The following RIPK1 variants were observed in gnomAD, a reference collection of about 807,000 sequenced individuals.
The protein encoded by RIPK1 is receptor-interacting serine/threonine-protein kinase 1.
In RIPK1, 27 loss-of-function variants were observed where a neutral mutation model predicts 62.4. The observed-to-expected ratio is 0.43, with a 90% CI of 0.32 to 0.60. The LOEUF (loss-of-function observed/expected upper bound fraction) is 0.60. Ranked by LOEUF, RIPK1 falls within the 20% of genes least tolerant of loss-of-function variation. RIPK1 has a pLI of 0.07. For synonymous variants in RIPK1, 287 were observed against 303.2 expected (o/e 0.95, Z 0.55); for missense variants, 735 against 831.0 (o/e 0.88, Z 1.42).
intron 1 of RIPK1, among the ~76,000 whole-genome samples, chr6:3,074,927 G>A (rs1328694642): frequency 3.3e-5 from 5 of 152,166 alleles, no homozygotes; most frequent in Non-Finnish European, 7.4e-5. Flanking sequence ...TGATCCGCCC[G>A]CCTCAGCCTC....
chr6:3,096,794 C>T (rs879917412), intron 7 of RIPK1, among the ~76,000 whole-genome samples: 3 of 151,650 alleles, frequency 2.0e-5, no homozygotes, highest in Admixed American at 1.3e-4. Flanking sequence ...CTCCCGACCT[C>T]GTGATCTGCC....
At chr6:3,109,921 A>T (rs185760466) in intron 9 of RIPK1, among the ~76,000 whole-genome samples, 131 of 152,286 alleles carry the variant, frequency 8.6e-4, no homozygotes, top group African/African-American at 2.9e-3. Flanking sequence ...CACTTAGGAA[A>T]TGTCCTCAAG....
chr6:3,067,687 G>C (rs1758443664), upstream of RIPK1, among the ~76,000 whole-genome samples: 2 of 151,306 alleles, frequency 1.3e-5, no homozygotes, highest in Admixed American at 6.6e-5. Context: ...TGTTGTGAAC[G>C]TGGCTAGTTC....
upstream of RIPK1, among the ~76,000 whole-genome samples, chr6:3,067,662 C>T (rs1758442316): frequency 6.6e-6 from 1 of 151,446 alleles, no homozygotes; most frequent in Non-Finnish European, 1.5e-5. Context: ...ATATTTTCTC[C>T]CAGTCTGTGG....
chr6:3,077,957 G>A (rs17541755), intron 3 of RIPK1, 22 bp downstream of exon 3: 40,932 of 1,611,696 alleles, frequency 0.025, 618 homozygotes, highest in Non-Finnish European at 0.029. Context: ...CCCTCCGCAC[G>A]GGGATCCCCA....
intron 10 of RIPK1, among the ~76,000 whole-genome samples, chr6:3,112,644 T>G (rs1464033241): frequency 6.6e-6 from 1 of 152,144 alleles, no homozygotes; most frequent in Non-Finnish European, 1.5e-5. Flanking sequence ...GATCCTCCTG[T>G]CTCAGCCTCC....
chr6:3,087,237 G>T (rs1361866321), intron 6 of RIPK1, among the ~76,000 whole-genome samples: 1 of 152,050 alleles, frequency 6.6e-6, no homozygotes, highest in African/African-American at 2.4e-5. Flanking sequence ...GTTTTGCTCA[G>T]CTTCTTAAAT....
chr6:3,107,889 C>A (rs1760945567), intron 9 of RIPK1, among the ~76,000 whole-genome samples: 1 of 151,906 alleles, frequency 6.6e-6, no homozygotes, highest in Non-Finnish European at 1.5e-5. Flanking sequence ...GGGAAAGGGG[C>A]GCTTGGATCT....
intron 10 of RIPK1, among the ~76,000 whole-genome samples, chr6:3,112,035 C>T (rs1371917797): frequency 6.6e-6 from 1 of 152,038 alleles, no homozygotes; most frequent in African/African-American, 2.4e-5. Context: ...GGTTGTTGTA[C>T]ATTTTCATTT....
upstream of RIPK1, among the ~76,000 whole-genome samples, chr6:3,065,113 C>T (rs1758318673): frequency 1.3e-5 from 2 of 151,684 alleles, no homozygotes; most frequent in Non-Finnish European, 1.5e-5. Context: ...AAAAAATAGC[C>T]GGGCGTGGTG....
At chr6:3,082,120 C>G (rs890386365) in intron 4 of RIPK1, among the ~76,000 whole-genome samples, 3 of 152,178 alleles carry the variant, frequency 2.0e-5, no homozygotes, top group African/African-American at 7.2e-5. Flanking sequence ...CAGCAGGAAT[C>G]CAAGCACAAG....
upstream of RIPK1, among the ~76,000 whole-genome samples, chr6:3,064,682 T>A (rs1013515364): frequency 3.9e-5 from 6 of 152,010 alleles, no homozygotes; most frequent in Non-Finnish European, 8.8e-5. Context: ...GAACCTCCTC[T>A]AGGGTGGGAA....
chr6:3,068,466 CG>C, upstream of RIPK1: 9 of 985,076 alleles, frequency 9.1e-6, no homozygotes, highest in Non-Finnish European at 1.1e-5. Context: ...CGGCAAGGGC[CG>C]GGGCAGGGGG....
At chr6:3,088,302 G>A (rs145510406) in intron 6 of RIPK1, among the ~76,000 whole-genome samples, 136 of 152,260 alleles carry the variant, frequency 8.9e-4, no homozygotes, top group African/African-American at 2.6e-3. Flanking sequence ...ATCAGGGGTG[G>A]GAATTCTGGC....
At chr6:3,110,218 T>C (rs976953437) in intron 9 of RIPK1, among the ~76,000 whole-genome samples, 1 of 150,426 alleles carries the variant, frequency 6.6e-6, no homozygotes, top group Non-Finnish European at 1.5e-5. Context: ...TTTTTTTTTT[T>C]TTTTTTTGAG....
intron 6 of RIPK1, among the ~76,000 whole-genome samples, chr6:3,086,525 G>A (rs1262989374): frequency 6.6e-6 from 1 of 152,190 alleles, no homozygotes; most frequent in Non-Finnish European, 1.5e-5. Flanking sequence ...TTCAGGTTTG[G>A]TAATTCGTTA....
At chr6:3,080,337 TA>T (rs1213588938) in intron 3 of RIPK1, among the ~76,000 whole-genome samples, 1 of 152,220 alleles carries the variant, frequency 6.6e-6, no homozygotes, top group Non-Finnish European at 1.5e-5. Context: ...GATGCTCACA[TA>T]ACAAGAATAC....
chr6:3,096,709 AC>A (rs968359453), intron 7 of RIPK1, among the ~76,000 whole-genome samples: 13 of 148,110 alleles, frequency 8.8e-5, no homozygotes, highest in African/African-American at 3.3e-4. Flanking sequence ...ACAGGCGCCC[AC>A]CACCACACCC....
At position 3,089,632 on chromosome 6, in the gene RIPK1, T is replaced by G; in HGVS notation, c.890T>G (p.Val297Gly). The G allele has an allele frequency of 6.3e-7, 1 of 1,587,102 alleles. No homozygotes were observed. The highest frequency in any genetic ancestry group is 8.6e-7 in the Non-Finnish European group (1 of 1,158,588). The change falls in exon 7 of 11, where the codon GTA (valine) becomes GGA (glycine). Residue 297 changes from valine (V) to glycine (G), a missense_variant. Val to Gly is a moderately radical substitution (Grantham distance 109, BLOSUM62 -3). Coordinates refer to ENST00000259808, the MANE Select transcript of RIPK1 (RefSeq NM_001354930.2). ...PFYLSQLEES[V>G]EEDVKSLKKE... ...TATTTAAGTCAATTAGAAGAAAGTG[T>G]AGAAGAGGACGTGAAGAGTTTAAAG...
Sources: gnomAD v4.1 joint callset for allele counts (sites outside exome capture counted in the v4.1 genomes callset) on GRCh38, gnomAD v4.1.1 for gene constraint, MANE v1.5 for transcripts, NCBI Gene and HGNC (gene_info 2026-07-23, HGNC 2026-07-21) for gene names.